The following RBFOX2 variants were observed in gnomAD, a reference collection of about 807,000 sequenced individuals.
The protein encoded by RBFOX2 is RNA binding protein fox-1 homolog 2.
A neutral mutation model predicts 49.1 loss-of-function variants in RBFOX2; 10 were observed. The observed-to-expected ratio is 0.20, with a 90% CI of 0.13 to 0.35. The LOEUF is 0.35. RBFOX2 is among the 10% of genes least tolerant of loss of function. The probability of loss-of-function intolerance (pLI) is 1.00; values close to 1 mark genes in which losing one functional copy is unlikely to be tolerated. For synonymous variants in RBFOX2, 183 were observed against 187.4 expected, an observed-to-expected ratio of 0.98 and a Z score of 0.19; for missense variants, 323 against 486.9, an observed-to-expected ratio of 0.66 and a Z score of 3.17.
At chr22:35,943,055 T>C (rs550160678), upstream of RBFOX2, among the ~76,000 whole-genome samples, 7 of 152,364 alleles carry the variant, frequency 4.6e-5, no homozygotes, top group South Asian at 8.3e-4. Context: ...AAATAACTAA[T>C]GACAGTGGCT....
At chr22:35,810,078 T>C in intron 1 of RBFOX2, 74 bp from the exon 3 acceptor site, 3 of 1,419,768 alleles carry the variant, frequency 2.1e-6, no homozygotes, top group Admixed American at 1.9e-5. Flanking sequence ...AGTGAGTATA[T>C]GGAATTCTCT....
chr22:35,865,134 C>CATGG (rs892912559), intron 1 of RBFOX2, among the ~76,000 whole-genome samples: 26 of 152,106 alleles, frequency 1.7e-4, no homozygotes, highest in African/African-American at 3.6e-4. Flanking sequence ...ATACTACATA[C>CATGG]ATGGATGGAT....
chr22:35,885,106 AT>A (rs931060090), intron 1 of RBFOX2, among the ~76,000 whole-genome samples: 8 of 152,222 alleles, frequency 5.3e-5, no homozygotes, highest in African/African-American at 1.9e-4. Flanking sequence ...CAAGAAACTT[AT>A]TTTTAATAAC....
rs1938533990 is a variant in RBFOX2 at position 35,760,802 on chromosome 22, A to T, written c.754+400T>A. ...AAAATGGCTCAGGTCAAAATGACTT[A>T]GAGAGATCAAGAGAGCTGGGAATAA... is the stretch of plus-strand genomic sequence containing the variant. On this transcript the variant is annotated intron_variant, in intron 8 of 11. Transcript: ENST00000405409. 3.9e-5 allele frequency among the ~76,000 whole-genome samples: 6 copies of T among 152,232 alleles called. No individual in the cohort carries two copies. In the South Asian group the frequency reaches 1.2e-3, roughly 32 times the overall value.
intron 1 of RBFOX2, among the ~76,000 whole-genome samples, chr22:35,908,040 G>C (rs891278405): frequency 6.6e-6 from 1 of 151,892 alleles, no homozygotes; most frequent in African/African-American, 2.4e-5. Flanking sequence ...AAAGAATCTT[G>C]AAATGTCTAT....
chr22:35,821,291 G>A (rs1435089472), intron 1 of RBFOX2, among the ~76,000 whole-genome samples: 1 of 151,852 alleles, frequency 6.6e-6, no homozygotes, highest in Non-Finnish European at 1.5e-5. Context: ...TAGGTAAGAA[G>A]AGCTTATGAT....
chr22:35,975,071 T>C (rs2057078021), intron 1 of RBFOX2, among the ~76,000 whole-genome samples: 1 of 152,172 alleles, frequency 6.6e-6, no homozygotes, highest in Non-Finnish European at 1.5e-5. Flanking sequence ...TAAAGTGTAG[T>C]AAAATGAATT....
At chr22:35,875,277 G>A (rs897999053) in intron 1 of RBFOX2, among the ~76,000 whole-genome samples, 2 of 151,894 alleles carry the variant, frequency 1.3e-5, no homozygotes, top group African/African-American at 2.4e-5. Flanking sequence ...GAGGGAGTGA[G>A]GTAATATTTA....
At chr22:35,767,799 C>G (rs1439772683) in intron 5 of RBFOX2, among the ~76,000 whole-genome samples, 1 of 152,150 alleles carries the variant, frequency 6.6e-6, no homozygotes, top group Non-Finnish European at 1.5e-5. Flanking sequence ...AAGAGGCGAA[C>G]TGGCCTCCCA....
chr22:35,788,251 G>A (rs983325572), intron 2 of RBFOX2, among the ~76,000 whole-genome samples: 1 of 152,100 alleles, frequency 6.6e-6, no homozygotes, highest in African/African-American at 2.4e-5. Flanking sequence ...AGTGACACAA[G>A]ATTAAGTATA....
At chr22:35,897,502 G>C in intron 1 of RBFOX2, 1 of 821,804 alleles carries the variant, frequency 1.2e-6, no homozygotes, top group Non-Finnish European at 2.2e-6. Flanking sequence ...GCTACCCACT[G>C]ATAGGCAAAA....
chr22:35,852,070 A>G (rs1569389770), intron 1 of RBFOX2, among the ~76,000 whole-genome samples: 1 of 152,054 alleles, frequency 6.6e-6, no homozygotes, highest in Non-Finnish European at 1.5e-5. Flanking sequence ...AATAAAAAAA[A>G]CCCAATACTG....
chr22:36,016,056 G>A (rs910411146), intron 1 of RBFOX2, among the ~76,000 whole-genome samples: 32 of 152,008 alleles, frequency 2.1e-4, no homozygotes, highest in African/African-American at 6.8e-4. Context: ...TGGAACCAAC[G>A]TCCTCCTGTC....
chr22:35,826,235 G>A (rs1409588000), intron 1 of RBFOX2, among the ~76,000 whole-genome samples: 2 of 150,592 alleles, frequency 1.3e-5, no homozygotes, highest in Non-Finnish European at 3.0e-5. Context: ...TCAGCTACTC[G>A]GGAGGCTGAA....
At chr22:35,939,944 T>C (rs929336086), upstream of RBFOX2, among the ~76,000 whole-genome samples, 4 of 152,228 alleles carry the variant, frequency 2.6e-5, no homozygotes, top group Admixed American at 1.3e-4. Flanking sequence ...AGAACATACA[T>C]TGCTTTTGTA....
At chr22:35,768,296 C>T (rs1941630879) in exon 5 of RBFOX2, 1 of 1,614,100 alleles carries the variant, frequency 6.2e-7, no homozygotes, top group African/African-American at 1.3e-5. Flanking sequence ...CGTGTAATTT[C>T]TCCCTGGCCC....
At chr22:36,028,117 G>A in intron 1 of RBFOX2, 123 bp downstream of exon 1, 1 of 1,295,426 alleles carries the variant, frequency 7.7e-7, no homozygotes. Context: ...GCCCCGAATG[G>A]CCCCCCATCC....
At chr22:35,988,788 C>T (rs146329828) in intron 1 of RBFOX2, among the ~76,000 whole-genome samples, 12 of 152,102 alleles carry the variant, frequency 7.9e-5, no homozygotes, top group Middle Eastern at 3.4e-3. Context: ...ATGGGAGGGA[C>T]GAAATTAAAG....
chr22:35,842,039 A>G (rs1219334964), upstream of RBFOX2, among the ~76,000 whole-genome samples: 1 of 152,202 alleles, frequency 6.6e-6, no homozygotes, highest in East Asian at 1.9e-4. Context: ...TTGTGAATTC[A>G]ATTTTTAAAA....
Sources: allele counts gnomAD v4.1 joint callset (sites outside exome capture counted in the v4.1 genomes callset), GRCh38; gene constraint gnomAD v4.1.1; transcripts MANE v1.5; gene names NCBI Gene and HGNC (gene_info 2026-07-23, HGNC 2026-07-21).